Variants in COL19A1 observed in about 807,000 individuals in gnomAD.
The protein encoded by COL19A1 is collagen alpha-1(XIX) chain.
A neutral mutation model predicts 190.2 loss-of-function variants in COL19A1; 159 were observed. The ratio of observed to expected loss-of-function variants is 0.84; its 90% CI spans 0.73 to 0.95. The LOEUF (loss-of-function observed/expected upper bound fraction) is 0.95, where lower values mean the gene tolerates loss of function less well. COL19A1 is among the 40% of genes least tolerant of loss of function. The probability of loss-of-function intolerance (pLI) is 0.00; values close to 1 mark genes in which losing one functional copy is unlikely to be tolerated. For missense variants in COL19A1, 1,418 were observed against 1,431.9 expected (o/e 0.99, Z 0.16); for synonymous variants, 509 against 458.9 (o/e 1.11, Z -1.39).
At chr6:70,084,151 T>C (rs186381764) in intron 15 of COL19A1, among the ~76,000 whole-genome samples, 118 of 152,198 alleles carry the variant, frequency 7.8e-4, no homozygotes, top group African/African-American at 2.4e-3. Flanking sequence ...AAAGGACAGT[T>C]ATTTGATAGA....
chr6:69,967,378 A>G (rs1005731763), intron 11 of COL19A1, among the ~76,000 whole-genome samples: 3 of 152,222 alleles, frequency 2.0e-5, no homozygotes, highest in Admixed American at 1.3e-4. Context: ...TTCGTGAATC[A>G]TAAGACTGAA....
At chr6:70,170,238 C>G (rs545062956) in intron 40 of COL19A1, among the ~76,000 whole-genome samples, 5 of 152,146 alleles carry the variant, frequency 3.3e-5, no homozygotes, top group Non-Finnish European at 5.9e-5. Flanking sequence ...GTCAGCACCA[C>G]CCTGCAACTC....
chr6:69,952,051 G>A (rs1313391999), intron 9 of COL19A1, among the ~76,000 whole-genome samples: 4 of 151,832 alleles, frequency 2.6e-5, no homozygotes, highest in Non-Finnish European at 4.4e-5. Flanking sequence ...CTGCTCCAAG[G>A]AGGGCTGTGT....
intron 15 of COL19A1, among the ~76,000 whole-genome samples, chr6:70,096,226 C>T (rs1231701093): frequency 6.6e-6 from 1 of 151,546 alleles, no homozygotes; most frequent in African/African-American, 2.4e-5. Flanking sequence ...GGACTACAGG[C>T]ATATGCCATA....
intron 49 of COL19A1, among the ~76,000 whole-genome samples, chr6:70,204,589 G>T (rs1037384100): frequency 6.6e-6 from 1 of 152,104 alleles, no homozygotes; most frequent in Non-Finnish European, 1.5e-5. Context: ...CACATGAACC[G>T]AAATGCATGC....
intron 11 of COL19A1, among the ~76,000 whole-genome samples, chr6:69,965,567 A>T (rs1178501298): frequency 6.6e-6 from 1 of 152,224 alleles, no homozygotes; most frequent in Non-Finnish European, 1.5e-5. Context: ...TTTAAAGTAT[A>T]TTTCTGAATC....
intron 15 of COL19A1, among the ~76,000 whole-genome samples, chr6:70,079,433 G>A (rs1305026442): frequency 1.3e-5 from 2 of 152,158 alleles, no homozygotes; most frequent in Non-Finnish European, 2.9e-5. Context: ...CATCACAATG[G>A]GGTGAGGGGG....
At chr6:70,160,321 TACTC>T (rs1787716959) in intron 34 of COL19A1, among the ~76,000 whole-genome samples, 1 of 151,968 alleles carries the variant, frequency 6.6e-6, no homozygotes, top group South Asian at 2.1e-4. Flanking sequence ...CCTGAGAACT[TACTC>T]ACTATCATGA....
intron 44 of COL19A1, among the ~76,000 whole-genome samples, chr6:70,182,727 C>G (rs1479536408): frequency 6.6e-6 from 1 of 152,178 alleles, no homozygotes; most frequent in Non-Finnish European, 1.5e-5. Context: ...TAATAATTCT[C>G]TACTGCATCA....
intron 11 of COL19A1, among the ~76,000 whole-genome samples, chr6:69,975,306 T>C (rs1027270959): frequency 6.6e-6 from 1 of 152,190 alleles, no homozygotes; most frequent in African/African-American, 2.4e-5. Flanking sequence ...TGCTCAGACA[T>C]GGACAGAATT....
At chr6:70,048,470 C>A (rs1171545701) in intron 14 of COL19A1, among the ~76,000 whole-genome samples, 1 of 152,012 alleles carries the variant, frequency 6.6e-6, no homozygotes. Context: ...CAGTAACAAA[C>A]AACAATCATT....
chr6:69,880,673 A>G (rs746315702), intron 2 of COL19A1, among the ~76,000 whole-genome samples: 3 of 152,214 alleles, frequency 2.0e-5, no homozygotes, highest in Non-Finnish European at 2.9e-5. Flanking sequence ...TGCATTTCCT[A>G]AAATAATTCA....
At chr6:70,130,356 G>C (rs1248522434) in intron 18 of COL19A1, 133 bp downstream of exon 18, 7 of 663,616 alleles carry the variant, frequency 1.1e-5, no homozygotes, top group Middle Eastern at 8.9e-4. Flanking sequence ...CTCCCAAGTA[G>C]CTGGGATTAC....
At chr6:70,169,931 T>A (rs1375927818) in intron 40 of COL19A1, among the ~76,000 whole-genome samples, 2 of 152,182 alleles carry the variant, frequency 1.3e-5, no homozygotes, top group Non-Finnish European at 2.9e-5. Context: ...AGATAAGAAC[T>A]TTTTAAGTAT....
At chr6:70,138,231 C>T (rs899059259) in intron 19 of COL19A1, among the ~76,000 whole-genome samples, 1 of 152,140 alleles carries the variant, frequency 6.6e-6, no homozygotes. Context: ...CTCAGTGTAC[C>T]TTCTGAAGTT....
chr6:69,944,862 C>G (rs1773698592), intron 9 of COL19A1, among the ~76,000 whole-genome samples: 1 of 151,970 alleles, frequency 6.6e-6, no homozygotes, highest in Non-Finnish European at 1.5e-5. Flanking sequence ...TTTAACCATG[C>G]TCTTTAACAC....
chr6:70,066,365 C>T (rs1345101701), intron 14 of COL19A1, among the ~76,000 whole-genome samples: 1 of 151,884 alleles, frequency 6.6e-6, no homozygotes, highest in Non-Finnish European at 1.5e-5. Flanking sequence ...AAACAAACAC[C>T]ACATGTTCTC....
intron 14 of COL19A1, among the ~76,000 whole-genome samples, chr6:70,041,908 G>GT (rs1779654347): frequency 6.6e-6 from 1 of 151,074 alleles, no homozygotes; most frequent in South Asian, 2.1e-4. Context: ...AAAAATAAAA[G>GT]TAAAAAAAAA....
At chr6:70,178,640 A>G (rs572556030) in intron 42 of COL19A1, among the ~76,000 whole-genome samples, 8 of 152,314 alleles carry the variant, frequency 5.3e-5, no homozygotes, top group Non-Finnish European at 1.0e-4. Context: ...TGTATATTTT[A>G]CCATGATAAA....
Sources: gnomAD v4.1 joint callset for allele counts (sites outside exome capture counted in the v4.1 genomes callset) on GRCh38, gnomAD v4.1.1 for gene constraint, MANE v1.5 for transcripts, NCBI Gene and HGNC (gene_info 2026-07-23, HGNC 2026-07-21) for gene names.